ZNF804B: variants seen among roughly 807,000 people sequenced by gnomAD.
ZNF804B encodes zinc finger protein 804B.
A neutral mutation model predicts 101.4 loss-of-function variants in ZNF804B; 80 were observed. The ratio of observed to expected loss-of-function variants is 0.79; its 90% CI spans 0.66 to 0.95. The LOEUF (loss-of-function observed/expected upper bound fraction) is 0.95, where lower values mean the gene tolerates loss of function less well. ZNF804B is among the 40% of genes least tolerant of loss of function. ZNF804B has a pLI of 0.00. For missense variants in ZNF804B, 1,673 were observed against 1,561.9 expected (o/e 1.07, Z -1.20); for synonymous variants, 622 against 558.8 (o/e 1.11, Z -1.59).
intron 1 of ZNF804B, among the ~76,000 whole-genome samples, chr7:89,134,420 C>A (rs890504134): frequency 2.6e-5 from 4 of 151,980 alleles, no homozygotes; most frequent in African/African-American, 4.8e-5. Context: ...TATCAACATC[C>A]CTAACAGAGC....
At chr7:89,034,341 GC>G (rs1562866273) in intron 1 of ZNF804B, among the ~76,000 whole-genome samples, 1 of 151,942 alleles carries the variant, frequency 6.6e-6, no homozygotes, top group Non-Finnish European at 1.5e-5. Flanking sequence ...GTATACATGT[GC>G]CGTGGTTGTT....
intron 1 of ZNF804B, among the ~76,000 whole-genome samples, chr7:88,968,584 T>G (rs894563734): frequency 6.6e-6 from 1 of 151,666 alleles, no homozygotes; most frequent in Non-Finnish European, 1.5e-5. Context: ...TGCCTGAAAC[T>G]GATTGTCTAG....
chr7:89,109,442 T>C (rs1790181402), intron 1 of ZNF804B, among the ~76,000 whole-genome samples: 1 of 152,198 alleles, frequency 6.6e-6, no homozygotes, highest in Non-Finnish European at 1.5e-5. Flanking sequence ...CCAAGGTTTC[T>C]GCAAGCTGTC....
Position 89,011,881 on chromosome 7 carries a change from C to T in ZNF804B, c.109-206274C>T, listed in dbSNP as rs143735163. On this transcript the variant is annotated intron_variant, in intron 1 of 3. Transcript: ENST00000333190. ...CTGGATTATGGTGGGCCTCTTCGCACAGCTCCACTCAGTAGTGCTCCAGTG... is the reference window on the plus strand; with the variant it reads ...CTGGATTATGGTGGGCCTCTTCGCATAGCTCCACTCAGTAGTGCTCCAGTG... Among the ~76,000 whole-genome samples, 293 of 152,234 alleles carry T rather than the reference C, an allele frequency of 1.9e-3. 2 individuals are homozygous for T. Among genetic ancestry groups the T allele is most frequent in the African/African-American group, 6.7e-3 (280 of 41,558 alleles).
chr7:89,062,087 T>C (rs1789390246), intron 1 of ZNF804B, among the ~76,000 whole-genome samples: 2 of 152,238 alleles, frequency 1.3e-5, no homozygotes, highest in Admixed American at 1.3e-4. Context: ...CATGATATCT[T>C]CCTGATGACC....
At chr7:88,968,776 G>A (rs569972020) in intron 1 of ZNF804B, among the ~76,000 whole-genome samples, 1 of 151,552 alleles carries the variant, frequency 6.6e-6, no homozygotes, top group Admixed American at 6.6e-5. Flanking sequence ...CTTATCAAGA[G>A]TTATAAAAAG....
chr7:89,040,156 T>C (rs968669717), intron 1 of ZNF804B, among the ~76,000 whole-genome samples: 2 of 152,028 alleles, frequency 1.3e-5, no homozygotes, highest in African/African-American at 4.8e-5. Context: ...TCCCATAGGC[T>C]TTCTTTACTC....
At chr7:89,206,588 C>A (rs996996953) in intron 1 of ZNF804B, among the ~76,000 whole-genome samples, 1 of 152,014 alleles carries the variant, frequency 6.6e-6, no homozygotes, top group Non-Finnish European at 1.5e-5. Context: ...CCTGTCTCTA[C>A]TAAAAATACA....
chr7:88,885,250 A>G (rs1406500906), intron 1 of ZNF804B, among the ~76,000 whole-genome samples: 3 of 151,886 alleles, frequency 2.0e-5, no homozygotes, highest in Non-Finnish European at 4.4e-5. Context: ...TATTTTGCAT[A>G]AAAATGTCCT....
chr7:89,204,791 C>G (rs1788692577), intron 1 of ZNF804B, among the ~76,000 whole-genome samples: 1 of 152,128 alleles, frequency 6.6e-6, no homozygotes, highest in South Asian at 2.1e-4. Context: ...TTTTAGAACA[C>G]TGTTCTAAAA....
At chr7:88,887,512 C>T (rs951402787) in intron 1 of ZNF804B, among the ~76,000 whole-genome samples, 2 of 152,144 alleles carry the variant, frequency 1.3e-5, no homozygotes, top group African/African-American at 4.8e-5. Context: ...ACCCCAGCAC[C>T]ATTTATTGAA....
intron 1 of ZNF804B, among the ~76,000 whole-genome samples, chr7:89,156,730 T>C (rs1438765572): frequency 6.6e-6 from 1 of 152,156 alleles, no homozygotes; most frequent in Non-Finnish European, 1.5e-5. Context: ...GCACCATTTC[T>C]CTAATGCAAA....
chr7:88,897,246 T>C (rs1172713559), intron 1 of ZNF804B, among the ~76,000 whole-genome samples: 1 of 152,002 alleles, frequency 6.6e-6, no homozygotes, highest in Non-Finnish European at 1.5e-5. Flanking sequence ...GCCCAAATAA[T>C]CAAATGGGTT....
intron 1 of ZNF804B, among the ~76,000 whole-genome samples, chr7:88,841,185 A>G (rs1791287443): frequency 6.6e-6 from 1 of 152,202 alleles, no homozygotes; most frequent in Admixed American, 6.6e-5. Context: ...CACACATAAT[A>G]GGAATGTCAT....
chr7:89,018,909 T>TC (rs1788615020), intron 1 of ZNF804B, among the ~76,000 whole-genome samples: 1 of 152,036 alleles, frequency 6.6e-6, no homozygotes, highest in Non-Finnish European at 1.5e-5. Context: ...AATGGTTTAT[T>TC]GAATTTGTTT....
chr7:89,212,495 A>ATT (rs950246842), intron 1 of ZNF804B, among the ~76,000 whole-genome samples: 54 of 152,168 alleles, frequency 3.5e-4, no homozygotes, highest in African/African-American at 1.3e-3. Flanking sequence ...ATTTCAAACA[A>ATT]TTGTCTTAGA....
At chr7:88,970,651 T>C (rs1001223780) in intron 1 of ZNF804B, among the ~76,000 whole-genome samples, 1 of 151,306 alleles carries the variant, frequency 6.6e-6, no homozygotes, top group Non-Finnish European at 1.5e-5. Context: ...CCACTGCCTG[T>C]TTCTGTAAAT....
intron 1 of ZNF804B, among the ~76,000 whole-genome samples, chr7:88,816,748 G>T (rs1422242993): frequency 7.1e-6 from 1 of 140,522 alleles, no homozygotes; most frequent in African/African-American, 2.7e-5. Flanking sequence ...TGCTGGAGAG[G>T]ATGTGGAGAA....
intron 1 of ZNF804B, among the ~76,000 whole-genome samples, chr7:89,074,349 T>C (rs563186365): frequency 1.3e-4 from 20 of 152,254 alleles, no homozygotes; most frequent in African/African-American, 4.8e-4. Context: ...GTCCCACAAT[T>C]CCCATGTGTC....
Sources: gnomAD v4.1 joint callset for allele counts (sites outside exome capture counted in the v4.1 genomes callset) on GRCh38, gnomAD v4.1.1 for gene constraint, MANE v1.5 for transcripts, NCBI Gene and HGNC (gene_info 2026-07-23, HGNC 2026-07-21) for gene names.